The following RBL2 variants were observed in gnomAD, a reference collection of about 807,000 sequenced individuals.
RBL2 encodes RB transcriptional corepressor like 2, also known as retinoblastoma-like protein 2.
Under a neutral mutation model 126.0 loss-of-function variants are expected in RBL2, and 56 were observed. The observed-to-expected ratio is 0.44, with a 90% CI of 0.36 to 0.56. The LOEUF (loss-of-function observed/expected upper bound fraction) is 0.56, where lower values mean the gene tolerates loss of function less well. Among genes scored for constraint, RBL2 ranks in the 20% least tolerant of loss-of-function variants. The probability of loss-of-function intolerance (pLI) is 0.00; values close to 1 mark genes in which losing one functional copy is unlikely to be tolerated. For synonymous variants in RBL2, 454 were observed against 478.5 expected (o/e 0.95, Z 0.67); for missense variants, 1,229 against 1,398.2 (o/e 0.88, Z 1.93).
chr16:53,437,052 CT>C (rs111637343), intron 1 of RBL2, among the ~76,000 whole-genome samples: 95 of 146,028 alleles, frequency 6.5e-4, no homozygotes, highest in Middle Eastern at 6.9e-3. Flanking sequence ...TATTTTTTTT[CT>C]TTTTTTTTTT....
rs546496971 is a variant in RBL2 at position 53,478,439 on chromosome 16, G to A, written c.2704-715G>A. On this transcript the variant is annotated intron_variant, in intron 17 of 21. Coordinates refer to ENST00000262133, the MANE Select transcript of RBL2 (RefSeq NM_005611.4). The stretch of plus-strand genomic sequence containing the variant: ...TCCTCTCCTGATTCTCCCATTACAC[G>A]TATGTTGATTTCCTTAATGGTGTGC... 5.3e-5 allele frequency among the ~76,000 whole-genome samples: 8 copies of A among 151,156 alleles called. 1 individual carries two copies. The highest frequency in any genetic ancestry group is 2.1e-4 in the South Asian group (1 of 4,802).
chr16:53,445,147 C>A (rs1300277763), intron 3 of RBL2, among the ~76,000 whole-genome samples: 1 of 151,736 alleles, frequency 6.6e-6, no homozygotes, highest in Non-Finnish European at 1.5e-5. Context: ...GACAGTATGG[C>A]GAAACTTCAT....
In RBL2 at chr16:53,490,538, A is replaced by G; in HGVS notation, c.*238A>G. 2.8e-6 allele frequency: 1 copy of G among 361,842 alleles called. No homozygotes were observed. Among genetic ancestry groups the G allele is most frequent in the East Asian group, 4.1e-5 (1 of 24,386 alleles). The allele number at this position is 361,842 out of a possible 1,614,324, so 22.4% of individuals were successfully genotyped here. On this transcript the variant is annotated 3_prime_UTR_variant, in exon 22 of 22. Transcript: ENST00000262133. ...AGTGATTACTGTCAAGGCTGCTTAGAATCCAAACTTGGATTTTTGACTCTG... is the reference window on the plus strand; with the variant it reads ...AGTGATTACTGTCAAGGCTGCTTAGGATCCAAACTTGGATTTTTGACTCTG...
At chr16:53,445,326 C>CA (rs11360172) in intron 3 of RBL2, among the ~76,000 whole-genome samples, 99 of 114,488 alleles carry the variant, frequency 8.6e-4, no homozygotes, top group East Asian at 1.6e-3. Flanking sequence ...GACCTTGTCT[C>CA]AAAAAAAAAA....
At chr16:53,436,029 A>G (rs1275135236) in intron 1 of RBL2, among the ~76,000 whole-genome samples, 1 of 152,220 alleles carries the variant, frequency 6.6e-6, no homozygotes, top group East Asian at 1.9e-4. Flanking sequence ...AAGCACCCAT[A>G]TGGACAGTGT....
chr16:53,475,915 C>A (rs1294898790), intron 17 of RBL2, among the ~76,000 whole-genome samples: 1 of 138,488 alleles, frequency 7.2e-6, no homozygotes, highest in Non-Finnish European at 1.5e-5. Flanking sequence ...CTCACGGCAG[C>A]CTTCCTCCAG....
chr16:53,447,056 C>G lies in RBL2; in HGVS notation c.587C>G (p.Thr196Ser), dbSNP rs773497467. 2 of 1,591,914 alleles carry G rather than the reference C, an allele frequency of 1.3e-6. No homozygotes were observed. The highest frequency in any genetic ancestry group is 4.5e-5 in the East Asian group (2 of 44,202). Residue 196 changes from threonine to serine, a missense_variant, in exon 4 of 22, where the codon ACT becomes AGT. Physicochemically the swap from Thr to Ser is moderately conservative, Grantham distance 58. Around this residue, in one of 2 missense-constraint regions of RBL2, gnomAD observed 1,070 missense variants for 1,274.3 expected, o/e 0.84. Coordinates refer to ENST00000262133, the MANE Select transcript of RBL2 (RefSeq NM_005611.4). ...RGRKQRRQPC[T>S]VSEIFHFCWV... is the part of the protein sequence containing the mutation. ...TTCCCCCAAAGGCGACAGCCCTGTA[C>G]TGTGTCTGAAATTTTCCATTTTTGT...
At chr16:53,482,728 T>G (rs1961002560) in intron 21 of RBL2, among the ~76,000 whole-genome samples, 1 of 151,060 alleles carries the variant, frequency 6.6e-6, no homozygotes. Context: ...GAAAATAGCT[T>G]GAACCCAGGA....
chr16:53,470,845 A>G lies in RBL2; in HGVS notation c.2626A>G (p.Ile876Val), dbSNP rs755869971. The G allele has an allele frequency of 4.3e-6, 7 of 1,614,116 alleles. No homozygotes were observed. The highest frequency in any genetic ancestry group is 1.1e-5 in the South Asian group (1 of 91,072). The change falls in exon 17 of 22, where the codon ATA (isoleucine) becomes GTA (valine). Residue 876 changes from isoleucine (I) to valine (V), a missense_variant. By Grantham distance (29) the Ile-to-Val change is conservative (BLOSUM62 3). This residue lies in a region of RBL2 where 1,070 missense variants were observed against 1,274.3 expected (regional missense o/e 0.84). Transcript: ENST00000262133. ...AATCTGGACCTGCTTTGAATTCTCC[A>G]TAATTCAGTGTCCTGAACTTATGAT... is the stretch of plus-strand genomic sequence containing the variant. Reference protein sequence around the residue: ...KKIWTCFEFSIIQCPELMMDR... With the variant: ...KKIWTCFEFSVIQCPELMMDR...
intron 17 of RBL2, among the ~76,000 whole-genome samples, chr16:53,472,005 A>G (rs1422000535): frequency 6.6e-6 from 1 of 152,218 alleles, no homozygotes; most frequent in Non-Finnish European, 1.5e-5. Flanking sequence ...GTTTATAGAA[A>G]TGGTACAATA....
chr16:53,445,050 A>G (rs139921085), intron 3 of RBL2, among the ~76,000 whole-genome samples: 1 of 152,048 alleles, frequency 6.6e-6, no homozygotes, highest in East Asian at 1.9e-4. Flanking sequence ...TTAAAAGGCC[A>G]TGTGCAGTGG....
intron 8 of RBL2, among the ~76,000 whole-genome samples, chr16:53,455,587 T>A (rs1368054330): frequency 6.6e-6 from 1 of 152,068 alleles, no homozygotes; most frequent in Non-Finnish European, 1.5e-5. Context: ...GATAAACAAG[T>A]AAATATATAG....
intron 8 of RBL2, among the ~76,000 whole-genome samples, chr16:53,458,305 C>T (rs2058187894): frequency 1.3e-5 from 2 of 152,196 alleles, no homozygotes; most frequent in African/African-American, 4.8e-5. Context: ...TATTAAAAGA[C>T]ATTGTTAAGC....
intron 13 of RBL2, 62 bp downstream of exon 13, chr16:53,465,664 C>A: frequency 7.6e-7 from 1 of 1,309,920 alleles, no homozygotes; most frequent in Non-Finnish European, 1.0e-6. Context: ...ATTAATAATC[C>A]TTTTGGGGAT....
chr16:53,491,600 A>AATTTT lies in RBL2; in HGVS notation c.*1303_*1307dup, dbSNP rs1961463673. 1 of 152,626 alleles carries AATTTT rather than the reference A, an allele frequency of 6.6e-6. No individual in the cohort carries two copies. The highest frequency in any genetic ancestry group is 1.5e-5 in the Non-Finnish European group (1 of 68,024). The allele number at this position is 152,626 out of a possible 1,614,324, so 9.5% of individuals were successfully genotyped here. On this transcript the variant is annotated 3_prime_UTR_variant, in exon 22 of 22. Transcript: ENST00000262133. ...AAACTTCTCAAGATACTGCTACTGTAATTTTATATGAAGATAAGTGTATTT... is the reference window on the plus strand; with the variant it reads ...AAACTTCTCAAGATACTGCTACTGTAATTTTATTTTATATGAAGATAAGTGTATTT...
chr16:53,470,089 G>C lies in RBL2; in HGVS notation c.2149G>C (p.Val717Leu), dbSNP rs140673408. 11 of 1,614,088 alleles carry C rather than the reference G, an allele frequency of 6.8e-6. No homozygotes were observed. In the African/African-American group the frequency reaches 1.5e-4, roughly 22 times the overall value. The change falls in exon 15 of 22, where the codon GTT becomes CTT. Residue 717 changes from valine (V) to leucine (L), a missense_variant. By Grantham distance (32) the Val-to-Leu change is conservative. Coordinates refer to ENST00000262133, the MANE Select transcript of RBL2 (RefSeq NM_005611.4). ...VPVQNVSGET[V>L]SVTPVPGQTL... ...TGTGCAGAATGTATCTGGGGAGACT[G>C]TTTCTGTCACACCAGTTCCTGGACA...
intron 21 of RBL2, among the ~76,000 whole-genome samples, chr16:53,485,360 G>A (rs1961123248): frequency 6.6e-6 from 1 of 152,098 alleles, no homozygotes; most frequent in Non-Finnish European, 1.5e-5. Flanking sequence ...TGAACTAAAT[G>A]AAAATGAAAA....
intron 1 of RBL2, among the ~76,000 whole-genome samples, chr16:53,436,012 G>T (rs1951468395): frequency 6.6e-6 from 1 of 152,106 alleles, no homozygotes; most frequent in South Asian, 2.1e-4. Flanking sequence ...GTAGTTTCTG[G>T]CACATAAAGC....
chr16:53,443,864 G>A (rs2058038150), intron 3 of RBL2, among the ~76,000 whole-genome samples: 1 of 152,088 alleles, frequency 6.6e-6, no homozygotes, highest in African/African-American at 2.4e-5. Context: ...AAAAAAACTA[G>A]AACTATTTAC....
Sources: allele counts gnomAD v4.1 joint callset (sites outside exome capture counted in the v4.1 genomes callset), GRCh38; gene constraint gnomAD v4.1.1; regional missense constraint gnomAD v4.1.1; transcripts MANE v1.5; gene names NCBI Gene and HGNC (gene_info 2026-07-23, HGNC 2026-07-21).